Variants in MYZAP observed in about 807,000 individuals in gnomAD.
MYZAP encodes the protein myocardial zonula adherens protein.
MYZAP carries 66 observed loss-of-function variants against 69.4 expected under a neutral mutation model. The ratio of observed to expected loss-of-function variants is 0.95; its 90% CI spans 0.78 to 1.17. MYZAP has a LOEUF of 1.17. Ranked by LOEUF, MYZAP falls within the 50% of genes most tolerant of loss-of-function variation. The pLI is 0.00. For synonymous variants in MYZAP, 256 were observed against 205.9 expected, an observed-to-expected ratio of 1.24 and a Z score of -2.09; for missense variants, 611 against 556.2, an observed-to-expected ratio of 1.10 and a Z score of -0.99.
chr15:57,678,361 C>G lies in MYZAP; in HGVS notation c.1304+3293C>G, dbSNP rs542745705. Among the ~76,000 whole-genome samples the G allele has an allele frequency of 2.6e-5, 4 of 152,132 alleles. No homozygotes were observed. The South Asian group carries it at 8.3e-4, about 32-fold the overall frequency. On this transcript the variant is annotated intron_variant, in intron 12 of 12. Coordinates refer to ENST00000267853, the MANE Select transcript of MYZAP (RefSeq NM_001018100.5). ...TGGGCCTGGGCAACAGAATGAGACCCCGTCTCAAATAAATAAAAATAAAAA... is the reference window on the plus strand; with the variant it reads ...TGGGCCTGGGCAACAGAATGAGACCGCGTCTCAAATAAATAAAAATAAAAA...
intron 10 of MYZAP, among the ~76,000 whole-genome samples, chr15:57,650,084 G>T (rs763462175): frequency 1.3e-5 from 2 of 152,158 alleles, no homozygotes; most frequent in Non-Finnish European, 2.9e-5. Context: ...ATTTATTTTT[G>T]TGTATCATAT....
At chr15:57,663,921 GCC>G (rs2038437931) in intron 11 of MYZAP, among the ~76,000 whole-genome samples, 1 of 151,894 alleles carries the variant, frequency 6.6e-6, no homozygotes, top group Non-Finnish European at 1.5e-5. Context: ...ATTGCTTTTG[GCC>G]ACTTCACACA....
chr15:57,628,448 T>G (rs565745053), intron 5 of MYZAP, among the ~76,000 whole-genome samples: 2 of 152,128 alleles, frequency 1.3e-5, no homozygotes, highest in East Asian at 3.9e-4. Flanking sequence ...TTTTAAATTT[T>G]TTTTGTAGTT....
chr15:57,638,503 T>C (rs986448757), intron 9 of MYZAP, among the ~76,000 whole-genome samples: 1 of 152,126 alleles, frequency 6.6e-6, no homozygotes, highest in African/African-American at 2.4e-5. Flanking sequence ...CCTTCCTCAT[T>C]TGCAATTTCA....
intron 10 of MYZAP, among the ~76,000 whole-genome samples, chr15:57,657,461 C>T (rs2038064314): frequency 6.6e-6 from 1 of 152,178 alleles, no homozygotes; most frequent in Non-Finnish European, 1.5e-5. Flanking sequence ...TCCAACTTCT[C>T]TTCCAGCTTT....
chr15:57,670,527 A>G (rs1342380688), intron 11 of MYZAP, among the ~76,000 whole-genome samples: 1 of 152,022 alleles, frequency 6.6e-6, no homozygotes, highest in African/African-American at 2.4e-5. Context: ...TTGCTTTTTT[A>G]TACATAGTTA....
chr15:57,595,325 A>G (rs1200154443), intron 1 of MYZAP, among the ~76,000 whole-genome samples: 1 of 152,218 alleles, frequency 6.6e-6, no homozygotes, highest in East Asian at 1.9e-4. Flanking sequence ...TGTGCACTAA[A>G]AATAGTTTTA....
In MYZAP at chr15:57,629,763, A is replaced by C. The variant is rs368082220; in HGVS notation, c.587A>C (p.Gln196Pro). The C allele has an allele frequency of 1.9e-6, 3 of 1,614,000 alleles. No homozygotes were observed. In the African/African-American group the frequency reaches 4.0e-5, roughly 22 times the overall value. ...SNIKDQIRNL[Q>P]QTYEASMDKL... Reference sequence around the variant, plus strand: ...ATTAAGGATCAAATCAGAAATCTGCAGCAGACGTATGAAGCATCCATGGAC... The same window carrying C: ...ATTAAGGATCAAATCAGAAATCTGCCGCAGACGTATGAAGCATCCATGGAC... Residue 196 changes from glutamine (Q) to proline (P), a missense_variant, in exon 6 of 13, where the codon CAG becomes CCG. Transcript: ENST00000267853.
At chr15:57,661,404 C>A in intron 10 of MYZAP, 46 bp from the exon 11 acceptor site, 1 of 1,406,096 alleles carries the variant, frequency 7.1e-7, no homozygotes. Context: ...TGTACTTACA[C>A]AATTGTACAT....
intron 12 of MYZAP, among the ~76,000 whole-genome samples, chr15:57,679,532 C>G (rs1253208132): frequency 3.3e-5 from 5 of 152,064 alleles, no homozygotes; most frequent in African/African-American, 1.2e-4. Flanking sequence ...GAGCCATCTC[C>G]CTGTAGCATT....
chr15:57,673,971 G>C (rs1488041989), intron 11 of MYZAP, among the ~76,000 whole-genome samples: 1 of 152,158 alleles, frequency 6.6e-6, no homozygotes, highest in African/African-American at 2.4e-5. Context: ...TATTTATCTT[G>C]TATCTGCTGC....
intron 11 of MYZAP, among the ~76,000 whole-genome samples, chr15:57,665,373 T>TA (rs1439932144): frequency 6.6e-6 from 1 of 152,218 alleles, no homozygotes; most frequent in Non-Finnish European, 1.5e-5. Context: ...TATCAAGTCT[T>TA]AGAGTTTAAG....
At chr15:57,608,363 G>C (rs2034891143) in intron 2 of MYZAP, among the ~76,000 whole-genome samples, 1 of 152,210 alleles carries the variant, frequency 6.6e-6, no homozygotes, top group African/African-American at 2.4e-5. Context: ...GTTGTGGATG[G>C]CGTATTTTGC....
In MYZAP at chr15:57,633,662, T is replaced by C. The variant is rs1181498147; in HGVS notation, c.854T>C (p.Met285Thr). The C allele has an allele frequency of 6.8e-6, 11 of 1,613,530 alleles. No individual in the cohort carries two copies. Among genetic ancestry groups the C allele is most frequent in the East Asian group, 2.2e-5 (1 of 44,842 alleles). ...GCGATTGAAGAAGCCAATAAAAAGATGCAAGCAGCAGAGATCAGCCTAGAG... is the reference window on the plus strand; with the variant it reads ...GCGATTGAAGAAGCCAATAAAAAGACGCAAGCAGCAGAGATCAGCCTAGAG... ...LKAIEEANKKMQAAEISLEEK... is the reference protein window; with the variant it reads ...LKAIEEANKKTQAAEISLEEK... Residue 285 changes from methionine to threonine, a missense_variant, in exon 8 of 13, where the codon ATG becomes ACG. Transcript: ENST00000267853.
chr15:57,628,460 C>T (rs2733589), intron 5 of MYZAP, among the ~76,000 whole-genome samples: 86,912 of 151,520 alleles, frequency 0.57, 25,130 homozygotes, highest in African/African-American at 0.6. Context: ...TTTGTAGTTG[C>T]CCAGGCTAGT....
intron 2 of MYZAP, among the ~76,000 whole-genome samples, chr15:57,615,474 G>T (rs1258685666): frequency 6.6e-6 from 1 of 152,182 alleles, no homozygotes; most frequent in Non-Finnish European, 1.5e-5. Context: ...TGGGCCAGGG[G>T]CAGGATCCTC....
intron 1 of MYZAP, among the ~76,000 whole-genome samples, chr15:57,593,203 C>CAA (rs2033825556): frequency 6.6e-6 from 1 of 150,666 alleles, no homozygotes; most frequent in Admixed American, 6.6e-5. Flanking sequence ...CACACACACA[C>CAA]ACACACACAC....
intron 2 of MYZAP, among the ~76,000 whole-genome samples, chr15:57,607,693 C>G (rs1478093953): frequency 6.6e-6 from 1 of 152,172 alleles, no homozygotes; most frequent in Non-Finnish European, 1.5e-5. Flanking sequence ...GTCTAAGTGC[C>G]TATGTGTGGC....
chr15:57,665,614 C>A (rs2038529381), intron 11 of MYZAP, among the ~76,000 whole-genome samples: 1 of 152,196 alleles, frequency 6.6e-6, no homozygotes, highest in Non-Finnish European at 1.5e-5. Context: ...AGCTGTTCTG[C>A]TTCTTGAGCT....
Sources: gnomAD v4.1 joint callset for allele counts (sites outside exome capture counted in the v4.1 genomes callset) on GRCh38, gnomAD v4.1.1 for gene constraint, MANE v1.5 for transcripts, NCBI Gene and HGNC (gene_info 2026-07-23, HGNC 2026-07-21) for gene names.